The following LYPD5 variants were observed in gnomAD, a reference collection of about 807,000 sequenced individuals.
LYPD5 encodes the protein ly6/PLAUR domain-containing protein 5.
Under a neutral mutation model 19.1 loss-of-function variants are expected in LYPD5, and 21 were observed. That is an observed-to-expected ratio of 1.10 (90% CI 0.78 to 1.58). The LOEUF (loss-of-function observed/expected upper bound fraction) is 1.58. Ranked by LOEUF, LYPD5 falls within the 40% of genes most tolerant of loss-of-function variation. The pLI is 0.00. For missense variants in LYPD5, 287 were observed against 329.8 expected, an observed-to-expected ratio of 0.87 and a Z score of 1.00; for synonymous variants, 128 against 142.7, an observed-to-expected ratio of 0.90 and a Z score of 0.74.
In LYPD5 at chr19:43,802,359, C is replaced by T. The variant is rs1970234808; in HGVS notation, c.22G>A (p.Val8Ile). 1.3e-6 allele frequency: 2 copies of T among 1,551,710 alleles called. No homozygotes were observed. The highest frequency in any genetic ancestry group is 1.7e-6 in the Non-Finnish European group (2 of 1,146,996). The change falls in exon 1 of 5, where the codon GTC becomes ATC. Residue 8 changes from valine to isoleucine, a missense_variant. Val to Ile is a conservative substitution (Grantham distance 29). Transcript: ENST00000377950. MAMGVPR[V>I]ILLCLFGAAL... ...GCCCCAAAGAGGCAGAGCAGAATGACTCTGGGGACCCCCATTGCCATTGCT... is the reference window on the plus strand; with the variant it reads ...GCCCCAAAGAGGCAGAGCAGAATGATTCTGGGGACCCCCATTGCCATTGCT...
Position 43,798,932 on chromosome 19 carries a change from C to T in LYPD5, c.250G>A (p.Gly84Ser). 6.3e-7 allele frequency: 1 copy of T among 1,592,808 alleles called. No homozygotes were observed. The highest frequency in any genetic ancestry group is 8.5e-7 in the Non-Finnish European group (1 of 1,170,410). The change falls in exon 3 of 5, where the codon GGC (glycine) becomes AGC (serine). Residue 84 changes from glycine to serine, a missense_variant. By Grantham distance (56) the Gly-to-Ser change is moderately conservative. Coordinates refer to ENST00000377950, the MANE Select transcript of LYPD5 (RefSeq NM_001031749.3). ...GCGTCCGCGTTCGATTGCGTCTGGC[C>T]CGCAGGAGGCCCGGTCCAGCAGCCC... Reference protein sequence around the residue: ...RKGCWTGPPAGQTQSNADALP... With the variant: ...RKGCWTGPPASQTQSNADALP...
chr19:43,812,637 G>A (rs1475216896), intron 1 of LYPD5, among the ~76,000 whole-genome samples: 1 of 152,124 alleles, frequency 6.6e-6, no homozygotes, highest in Non-Finnish European at 1.5e-5. Flanking sequence ...AATTGTGACA[G>A]TGATAAAGAA....
rs555407034 is a variant in LYPD5, at chr19:43,819,798, G to A, written c.-66+742C>T. Among the ~76,000 whole-genome samples, 42 of 152,290 alleles carry A rather than the reference G, an allele frequency of 2.8e-4. No individual in the cohort carries two copies. The South Asian group carries it at 8.7e-3, about 32-fold the overall frequency. On this transcript the variant is annotated intron_variant, in intron 1 of 4. Coordinates refer to the LYPD5 transcript ENST00000414615. The stretch of plus-strand genomic sequence containing the variant: ...AAAGAACTTGTTTCTCCAGCTAGCG[G>A]AAAGTGTAGCTCATTTCCTCAATGT...
intron 1 of LYPD5, among the ~76,000 whole-genome samples, chr19:43,817,896 A>G (rs1464819343): frequency 6.6e-6 from 1 of 151,798 alleles, no homozygotes; most frequent in Admixed American, 6.6e-5. Flanking sequence ...TTTTTATTTT[A>G]GTAGAGATGA....
Position 43,797,587 on chromosome 19 carries a change from C to A in LYPD5, c.*4G>T. 6.3e-7 allele frequency: 1 copy of A among 1,583,916 alleles called. No individual in the cohort carries two copies. Among genetic ancestry groups the A allele is most frequent in the Non-Finnish European group, 8.6e-7 (1 of 1,160,208 alleles). On this transcript the variant is annotated 3_prime_UTR_variant, in exon 5 of 5. Coordinates refer to ENST00000377950, the MANE Select transcript of LYPD5 (RefSeq NM_001031749.3). ...CCCTGTCCCCAGCATCCTGGAGGGG[C>A]GGTCTATGCTGAGAGCCCCACCAGC...
Position 43,797,296 on chromosome 19 carries a change from A to C in LYPD5, c.*295T>G. On this transcript the variant is annotated 3_prime_UTR_variant, in exon 5 of 5. Coordinates refer to ENST00000377950, the MANE Select transcript of LYPD5 (RefSeq NM_001031749.3). ...GAGGGAGAGCACAGGAAGCCGTGTTATGGGGTGCCTGGTGCCTGGCTGGTG... is the reference window on the plus strand; with the variant it reads ...GAGGGAGAGCACAGGAAGCCGTGTTCTGGGGTGCCTGGTGCCTGGCTGGTG... 2.6e-6 allele frequency: 1 copy of C among 377,940 alleles called. No individual in the cohort carries two copies. The highest frequency in any genetic ancestry group is 4.8e-6 in the Non-Finnish European group (1 of 208,244). The allele number at this position is 377,940 out of a possible 1,614,324, so 23.4% of individuals were successfully genotyped here. A position where few individuals can be genotyped will look rare whatever the true frequency, so the allele number is the denominator to read the frequency against.
intron 3 of LYPD5, 58 bp downstream of exon 3, chr19:43,798,754 C>T: frequency 2.5e-6 from 4 of 1,573,026 alleles, no homozygotes; most frequent in Middle Eastern, 1.9e-4. Flanking sequence ...ACGCCTTCCC[C>T]GAGGCTGCCA....
chr19:43,799,988 G>C (rs1970202186), intron 1 of LYPD5, 154 bp from the exon 2 acceptor site: 3 of 865,722 alleles, frequency 3.5e-6, no homozygotes, highest in Non-Finnish European at 5.2e-6. Context: ...ATTGCAGCTG[G>C]TCACAGCTGT....
chr19:43,815,565 ACT>A (rs1197213407), intron 1 of LYPD5, among the ~76,000 whole-genome samples: 4 of 151,938 alleles, frequency 2.6e-5, no homozygotes, highest in African/African-American at 7.2e-5. Context: ...ATAGAGCAAG[ACT>A]CTGTCTAAAA....
At chr19:43,809,098 G>A (rs879426768) in intron 1 of LYPD5, among the ~76,000 whole-genome samples, 3 of 152,160 alleles carry the variant, frequency 2.0e-5, no homozygotes, top group Admixed American at 1.3e-4. Flanking sequence ...GGAGTGCAAC[G>A]GCGTGGTCTC....
At chr19:43,798,382 G>T in intron 4 of LYPD5, 73 bp downstream of exon 4, 1 of 1,554,004 alleles carries the variant, frequency 6.4e-7, no homozygotes, top group South Asian at 1.1e-5. Flanking sequence ...GGGCCTGTCT[G>T]GTATCACTAC....
chr19:43,798,653 G>T (rs539803228), intron 3 of LYPD5, 52 bp from the exon 4 acceptor site: 4 of 1,607,404 alleles, frequency 2.5e-6, no homozygotes, highest in East Asian at 2.2e-5. Flanking sequence ...TGGCACAGTC[G>T]TGCGGGCTGC....
At chr19:43,820,130 TTTC>T (rs1348598960) in intron 1 of LYPD5, among the ~76,000 whole-genome samples, 3 of 152,194 alleles carry the variant, frequency 2.0e-5, no homozygotes, top group Non-Finnish European at 4.4e-5. Context: ...CACCAAGCAC[TTTC>T]TTCTTTTTGA....
In LYPD5 at chr19:43,797,617, G is replaced by A; in HGVS notation, c.730C>T (p.Leu244Phe). ...TATGCTGAGAGCCCCACCAGCAGGA[G>A]GACTGGGAGGAGCAGGGCCAGGACC... is the stretch of plus-strand genomic sequence containing the variant. The part of the protein sequence containing the change: ...LQVLALLLPV[L>F]LLVGLSA The change falls in exon 5 of 5, where the codon CTC (leucine) becomes TTC (phenylalanine). Residue 244 changes from leucine (L) to phenylalanine (F), a missense_variant. Leu to Phe is a conservative substitution (Grantham distance 22, BLOSUM62 0). Coordinates refer to ENST00000377950, the MANE Select transcript of LYPD5 (RefSeq NM_001031749.3). The A allele has an allele frequency of 1.2e-6, 2 of 1,610,208 alleles. No individual in the cohort carries two copies. The highest frequency in any genetic ancestry group is 1.7e-6 in the Non-Finnish European group (2 of 1,177,454).
chr19:43,818,034 A>C (rs771513167), intron 1 of LYPD5, among the ~76,000 whole-genome samples: 22 of 152,296 alleles, frequency 1.4e-4, no homozygotes, highest in Non-Finnish European at 2.8e-4. Flanking sequence ...CTTAGTTCAC[A>C]AGTTAGGAAG....
chr19:43,798,334 A>AAACCT (rs1599692376), intron 4 of LYPD5, 121 bp downstream of exon 4: 1 of 1,122,590 alleles, frequency 8.9e-7, no homozygotes, highest in East Asian at 2.4e-5. Flanking sequence ...GACCAGGGTC[A>AAACCT]TGCCTCCCAC....
At chr19:43,799,576 T>C in intron 2 of LYPD5, 130 bp downstream of exon 2, 2 of 1,059,774 alleles carry the variant, frequency 1.9e-6, no homozygotes, top group Non-Finnish European at 2.7e-6. Context: ...CCTCCTCTTC[T>C]TCCTCTCCCT....
chr19:43,813,890 G>A (rs1970347515), intron 1 of LYPD5, among the ~76,000 whole-genome samples: 1 of 152,152 alleles, frequency 6.6e-6, no homozygotes, highest in Non-Finnish European at 1.5e-5. Flanking sequence ...GTTTCACCAT[G>A]TTGGCCAGGC....
chr19:43,817,217 G>A (rs1970381943), intron 1 of LYPD5, among the ~76,000 whole-genome samples: 1 of 152,146 alleles, frequency 6.6e-6, no homozygotes, highest in Non-Finnish European at 1.5e-5. Context: ...TGGTTGGTTG[G>A]TTATTGTGGG....
Sources: gnomAD v4.1 joint callset for allele counts (sites outside exome capture counted in the v4.1 genomes callset) on GRCh38, gnomAD v4.1.1 for gene constraint, MANE v1.5 for transcripts, NCBI Gene and HGNC (gene_info 2026-07-23, HGNC 2026-07-21) for gene names.